DNAJC6: variants seen among roughly 807,000 people sequenced by gnomAD.
DNAJC6 encodes the protein auxilin.
In DNAJC6, 34 loss-of-function variants were observed where a neutral mutation model predicts 110.0. That is an observed-to-expected ratio of 0.31 (90% CI 0.24 to 0.41). The LOEUF (loss-of-function observed/expected upper bound fraction) is 0.41, where lower values mean the gene tolerates loss of function less well. Ranked by LOEUF, DNAJC6 falls within the 10% of genes least tolerant of loss-of-function variation. The probability of loss-of-function intolerance (pLI) is 1.00; values close to 1 mark genes in which losing one functional copy is unlikely to be tolerated. For synonymous variants in DNAJC6, 406 were observed against 437.2 expected (o/e 0.93, Z 0.89); for missense variants, 1,031 against 1,207.8 (o/e 0.85, Z 2.17).
intron 6 of DNAJC6, among the ~76,000 whole-genome samples, chr1:65,384,902 G>A (rs1645856423): frequency 1.3e-5 from 2 of 152,186 alleles, no homozygotes; most frequent in African/African-American, 4.8e-5. Flanking sequence ...GTTAAAACTA[G>A]AAGGAAACTT....
chr1:65,315,403 C>G (rs1026889162), intron 1 of DNAJC6, among the ~76,000 whole-genome samples: 3 of 151,860 alleles, frequency 2.0e-5, no homozygotes, highest in African/African-American at 7.3e-5. Context: ...GTATTCTCTC[C>G]CCTCCCTGAT....
chr1:65,314,266 G>A (rs564645441), intron 1 of DNAJC6, among the ~76,000 whole-genome samples: 3 of 151,614 alleles, frequency 2.0e-5, no homozygotes, highest in Non-Finnish European at 4.4e-5. Context: ...GAGTCTGGTT[G>A]GAAACAAAAA....
At chr1:65,407,377 C>T (rs1277080242) in intron 16 of DNAJC6, among the ~76,000 whole-genome samples, 2 of 152,202 alleles carry the variant, frequency 1.3e-5, no homozygotes, top group African/African-American at 4.8e-5. Context: ...TTCTTATAAT[C>T]TTCAAAACCA....
chr1:65,284,605 T>G (rs1250273194), intron 1 of DNAJC6, among the ~76,000 whole-genome samples: 1 of 152,066 alleles, frequency 6.6e-6, no homozygotes, highest in Non-Finnish European at 1.5e-5. Flanking sequence ...AGGGACCCTC[T>G]GGGCCCCTCT....
In DNAJC6 at chr1:65,411,312, C is replaced by A. The variant is rs149097758; in HGVS notation, c.2697C>A (p.Thr899=). 3 of 1,614,100 alleles carry A rather than the reference C, an allele frequency of 1.9e-6. No homozygotes were observed. The highest frequency in any genetic ancestry group is 2.5e-6 in the Non-Finnish European group (3 of 1,179,982). The change falls in exon 18 of 19, where the codon ACC becomes ACA. Residue 899 remains threonine (T), a synonymous_variant. Transcript: ENST00000371069. ...NIRALLSTMH[T]VLWAGETKWK... The stretch of plus-strand genomic sequence containing the variant: ...GAGCCCTTCTTTCCACGATGCATAC[C>A]GTACTATGGGCTGGGGAGACCAAGT...
chr1:65,284,914 C>T (rs1168316570), intron 1 of DNAJC6, among the ~76,000 whole-genome samples: 1 of 152,112 alleles, frequency 6.6e-6, no homozygotes, highest in Non-Finnish European at 1.5e-5. Context: ...TCTCGAACTC[C>T]TGACCTCAGG....
rs1034483100 is a variant in DNAJC6 at position 65,359,139 on chromosome 1, A to G, written c.194-5496A>G. 2.0e-5 allele frequency among the ~76,000 whole-genome samples: 3 copies of G among 152,218 alleles called. 1 individual carries two copies. The highest frequency in any genetic ancestry group is 2.0e-4 in the Admixed American group (3 of 15,282). On this transcript the variant is annotated intron_variant, in intron 1 of 18. Transcript: ENST00000371069. ...CCTAGCATTTGTGTTTATCTTCTTTATATAATTTCTAAATGACTATTGAAT... is the reference window on the plus strand; with the variant it reads ...CCTAGCATTTGTGTTTATCTTCTTTGTATAATTTCTAAATGACTATTGAAT...
intron 1 of DNAJC6, among the ~76,000 whole-genome samples, chr1:65,282,268 TGGAAAAAAAAAGTTTTGTCA>T (rs910617679): frequency 1.3e-5 from 2 of 152,086 alleles, no homozygotes; most frequent in Admixed American, 6.5e-5. Context: ...TTTTCAAGTT[TGGAAAAAAAAAGTTTTGTCA>T]GGCTGTTAGA....
intron 18 of DNAJC6, 104 bp from the exon 19 acceptor site, chr1:65,412,820 A>G: frequency 1.0e-6 from 1 of 995,436 alleles, no homozygotes. Context: ...GCCAAATAGA[A>G]AAACATTTCC....
chr1:65,352,847 C>A (rs1033846054), intron 1 of DNAJC6, among the ~76,000 whole-genome samples: 1 of 152,152 alleles, frequency 6.6e-6, no homozygotes, highest in Non-Finnish European at 1.5e-5. Context: ...ATATGCATAA[C>A]AAGCACACTG....
intron 1 of DNAJC6, among the ~76,000 whole-genome samples, chr1:65,311,385 C>G (rs1358349088): frequency 2.6e-5 from 4 of 151,628 alleles, no homozygotes; most frequent in Non-Finnish European, 5.9e-5. Context: ...TCACCATGCC[C>G]GGCTAATTTT....
At chr1:65,411,904 AAG>A (rs1646133170) in intron 18 of DNAJC6, among the ~76,000 whole-genome samples, 1 of 152,068 alleles carries the variant, frequency 6.6e-6, no homozygotes, top group Non-Finnish European at 1.5e-5. Context: ...CTGGGTGATC[AAG>A]GCTGCAGTGA....
At chr1:65,302,224 T>C in intron 1 of DNAJC6, among the ~76,000 whole-genome samples, 1 of 139,840 alleles carries the variant, frequency 7.2e-6, no homozygotes, top group Non-Finnish European at 1.5e-5. Context: ...ATCAATATAA[T>C]ATACTATTAT....
chr1:65,358,166 G>A (rs1367729176), intron 1 of DNAJC6, among the ~76,000 whole-genome samples: 8 of 115,876 alleles, frequency 6.9e-5, no homozygotes, highest in East Asian at 2.7e-4. Context: ...GCGATAGAGC[G>A]AGACTCAGTC....
At chr1:65,335,769 G>A (rs1480164004) in intron 1 of DNAJC6, among the ~76,000 whole-genome samples, 5 of 152,134 alleles carry the variant, frequency 3.3e-5, no homozygotes, top group East Asian at 1.9e-4. Flanking sequence ...GCCATTGCGC[G>A]AGCTTTGATT....
upstream of DNAJC6, among the ~76,000 whole-genome samples, chr1:65,308,939 TCC>T (rs66579054): frequency 0.73 from 110,839 of 151,304 alleles, 40,598 homozygotes; most frequent in East Asian, 0.83. Flanking sequence ...TTAGGGATCA[TCC>T]CTATTCTGGA....
intron 1 of DNAJC6, among the ~76,000 whole-genome samples, chr1:65,324,343 A>C (rs1188378877): frequency 6.6e-6 from 1 of 151,274 alleles, no homozygotes; most frequent in Non-Finnish European, 1.5e-5. Context: ...TGCCTAGCTA[A>C]GTTTTTTTTG....
At chr1:65,307,039 T>C (rs1342622041), upstream of DNAJC6, among the ~76,000 whole-genome samples, 3 of 147,978 alleles carry the variant, frequency 2.0e-5, no homozygotes, top group Admixed American at 6.7e-5. Context: ...TATATATATA[T>C]ATGTTAGGTA....
intron 1 of DNAJC6, among the ~76,000 whole-genome samples, chr1:65,334,313 T>C (rs973031235): frequency 3.2e-4 from 49 of 152,232 alleles, no homozygotes; most frequent in African/African-American, 1.1e-3. Context: ...AAGCACAGAA[T>C]GTAATGCATG....
Sources: gnomAD v4.1 joint callset for allele counts (sites outside exome capture counted in the v4.1 genomes callset) on GRCh38, gnomAD v4.1.1 for gene constraint, MANE v1.5 for transcripts, NCBI Gene and HGNC (gene_info 2026-07-23, HGNC 2026-07-21) for gene names.